Variants in FANCC observed in about 807,000 individuals in gnomAD.
The protein encoded by FANCC is FA complementation group C, also known as Fanconi anemia group C protein.
In FANCC, 55 loss-of-function variants were observed where a neutral mutation model predicts 71.3. That is an observed-to-expected ratio of 0.77 (90% CI 0.62 to 0.97). FANCC has a LOEUF of 0.97. FANCC is among the 50% of genes least tolerant of loss of function. The pLI is 0.00. For missense variants in FANCC, 678 were observed against 670.9 expected (o/e 1.01, Z -0.12); for synonymous variants, 275 against 244.9 (o/e 1.12, Z -1.15).
intron 1 of FANCC, among the ~76,000 whole-genome samples, chr9:95,264,001 C>T (rs1425910104): frequency 6.6e-6 from 1 of 152,166 alleles, no homozygotes; most frequent in East Asian, 1.9e-4. Context: ...AGAACGGTAA[C>T]AGTCACCTTG....
chr9:95,231,591 T>C (rs1830013768), intron 4 of FANCC, among the ~76,000 whole-genome samples: 1 of 152,144 alleles, frequency 6.6e-6, no homozygotes, highest in Admixed American at 6.5e-5. Context: ...TCAAATTGTC[T>C]ACAAGCCTGA....
Position 95,252,485 on chromosome 9 carries a change from G to A in FANCC, c.-78-3116C>T, listed in dbSNP as rs568179728. 3.3e-5 allele frequency among the ~76,000 whole-genome samples: 5 copies of A among 151,926 alleles called. No homozygotes were observed. In the South Asian group the frequency reaches 6.2e-4, roughly 19 times the overall value. On this transcript the variant is annotated intron_variant, in intron 1 of 14. Transcript: ENST00000289081. ...CCCGGGGCTGGGCGCCGTGGCTCACGCCTGTAATCCCAGCACTTTGGGAGG... is the reference window on the plus strand; with the variant it reads ...CCCGGGGCTGGGCGCCGTGGCTCACACCTGTAATCCCAGCACTTTGGGAGG...
chr9:95,138,905 T>C (rs1828144134), intron 7 of FANCC, among the ~76,000 whole-genome samples: 1 of 152,238 alleles, frequency 6.6e-6, no homozygotes, highest in Non-Finnish European at 1.5e-5. Flanking sequence ...GCTGTCTTTT[T>C]ATTAGAGCCT....
chr9:95,122,809 G>A (rs1348669639), intron 10 of FANCC, among the ~76,000 whole-genome samples: 17 of 152,170 alleles, frequency 1.1e-4, no homozygotes, highest in Admixed American at 9.2e-4. Flanking sequence ...CCAGAGGCCC[G>A]TTCCTAATGG....
intron 6 of FANCC, among the ~76,000 whole-genome samples, chr9:95,159,716 A>T (rs1393953762): frequency 1.1e-4 from 16 of 152,134 alleles, no homozygotes; most frequent in Non-Finnish European, 2.4e-4. Flanking sequence ...CTTTTTAATG[A>T]TCGCCATTCT....
chr9:95,130,133 T>C (rs1826664340), intron 8 of FANCC, among the ~76,000 whole-genome samples: 1 of 152,234 alleles, frequency 6.6e-6, no homozygotes, highest in Non-Finnish European at 1.5e-5. Flanking sequence ...CACAGGCTCT[T>C]GTGCCCGGTC....
chr9:95,192,970 A>G (rs1181651061), intron 4 of FANCC, among the ~76,000 whole-genome samples: 1 of 152,208 alleles, frequency 6.6e-6, no homozygotes, highest in Non-Finnish European at 1.5e-5. Context: ...AATCTTTACT[A>G]TAGTGTATCT....
chr9:95,271,927 CTTTTTTTTTTT>C lies in FANCC; in HGVS notation c.-78-22569_-78-22559del, dbSNP rs869093626. Among the ~76,000 whole-genome samples, 19 of 50,510 alleles carry C rather than the reference CTTTTTTTTTTT, an allele frequency of 3.8e-4. 1 individual carries two copies. The highest frequency in any genetic ancestry group is 1.3e-3 in the East Asian group (2 of 1,516). The allele number at this position is 50,510 out of a possible 152,430, so 33.1% of individuals were successfully genotyped here. On this transcript the variant is annotated intron_variant, in intron 1 of 14. Transcript: ENST00000289081. Reference sequence around the variant, plus strand: ...TTCCATCAATCCCATCAAGCCTCTTCTTTTTTTTTTTTTTTTTTTTTTTTTTTGAGATGGAG... The same window carrying C: ...TTCCATCAATCCCATCAAGCCTCTTCTTTTTTTTTTTTTTTTGAGATGGAG...
chr9:95,196,814 C>T lies in FANCC; in HGVS notation c.346-24667G>A, dbSNP rs79270179. On this transcript the variant is annotated intron_variant, in intron 4 of 14. Transcript: ENST00000289081. ...CAGGATGTGCTCAGTTGGCAGACCA[C>T]GGACTCTAATTTCTGCCCTCCTAGT... Among the ~76,000 whole-genome samples the T allele has an allele frequency of 8.8e-3, 1,345 of 152,250 alleles. 23 individuals carry two copies. The highest frequency in any genetic ancestry group is 0.031 in the African/African-American group (1,278 of 41,534).
intron 8 of FANCC, among the ~76,000 whole-genome samples, chr9:95,133,140 G>T (rs1827164385): frequency 6.6e-6 from 1 of 152,240 alleles, no homozygotes; most frequent in South Asian, 2.1e-4. Context: ...ATGCAATTAG[G>T]AAGCAGGCTC....
chr9:95,104,875 C>G lies in FANCC; in HGVS notation c.1533+2191G>C, dbSNP rs375507927. On this transcript the variant is annotated intron_variant, in intron 14 of 14. Coordinates refer to ENST00000289081, the MANE Select transcript of FANCC (RefSeq NM_000136.3). ...TCCCCACTGCCCCTCCCCAGCCCCCCATAAGCACCTTCCCACTGTTTCTGT... is the reference window on the plus strand; with the variant it reads ...TCCCCACTGCCCCTCCCCAGCCCCCGATAAGCACCTTCCCACTGTTTCTGT... 9.9e-4 allele frequency among the ~76,000 whole-genome samples: 151 copies of G among 152,304 alleles called. 2 individuals are homozygous for G. Among genetic ancestry groups the G allele is most frequent in the African/African-American group, 3.6e-3 (148 of 41,562 alleles).
intron 1 of FANCC, among the ~76,000 whole-genome samples, chr9:95,267,986 G>A (rs1365660324): frequency 6.6e-6 from 1 of 152,192 alleles, no homozygotes; most frequent in African/African-American, 2.4e-5. Flanking sequence ...GAGCCCAGCT[G>A]CTGGCCCCAC....
At chr9:95,110,309 A>G in intron 13 of FANCC, 8 of 1,015,184 alleles carry the variant, frequency 7.9e-6, no homozygotes, top group Non-Finnish European at 9.4e-6. Flanking sequence ...GGAATTGAAC[A>G]CATATCTACC....
At chr9:95,141,311 CAAAAAAAAAAAA>C (rs66627467) in intron 7 of FANCC, among the ~76,000 whole-genome samples, 5 of 54,864 alleles carry the variant, frequency 9.1e-5, no homozygotes, top group African/African-American at 3.0e-4. Context: ...GACCCTGTCT[CAAAAAAAAAAAA>C]AAAAAAAAAA....
At chr9:95,181,444 A>T (rs1031902924) in intron 4 of FANCC, among the ~76,000 whole-genome samples, 10 of 152,120 alleles carry the variant, frequency 6.6e-5, no homozygotes, top group African/African-American at 2.4e-4. Context: ...TTTTACCGCC[A>T]CCTAGTGGTA....
rs781300977 is a variant in FANCC at position 95,209,322 on chromosome 9, GC to G, written c.345+31326del. Among the ~76,000 whole-genome samples, 5 of 152,248 alleles carry G rather than the reference GC, an allele frequency of 3.3e-5. No homozygotes were observed. The East Asian group carries it at 9.7e-4, about 29-fold the overall frequency. Reference sequence around the variant, plus strand: ...GGTGGATATGTGTCATTGCACATTTGCCCAAACCCATAGAATGTACACTACC... The same window carrying G: ...GGTGGATATGTGTCATTGCACATTTGCCAAACCCATAGAATGTACACTACC... On this transcript the variant is annotated intron_variant, in intron 4 of 14. Transcript: ENST00000289081.
chr9:95,125,220 A>C, intron 9 of FANCC, 35 bp from the exon 10 acceptor site: 1 of 1,557,102 alleles, frequency 6.4e-7, no homozygotes, highest in Non-Finnish European at 8.9e-7. Flanking sequence ...AACACGTTTA[A>C]CAAGTAATCC....
chr9:95,252,503 T>C (rs535177483), intron 1 of FANCC, among the ~76,000 whole-genome samples: 2 of 151,668 alleles, frequency 1.3e-5, no homozygotes, highest in Non-Finnish European at 2.9e-5. Context: ...TCCCAGCACT[T>C]TGGGAGGCAG....
At chr9:95,239,362 C>G (rs1830505859) in intron 4 of FANCC, among the ~76,000 whole-genome samples, 2 of 152,080 alleles carry the variant, frequency 1.3e-5, no homozygotes. Flanking sequence ...TAGTATTAAA[C>G]AAGAAAAACA....
Sources: gnomAD v4.1 joint callset for allele counts (sites outside exome capture counted in the v4.1 genomes callset) on GRCh38, gnomAD v4.1.1 for gene constraint, MANE v1.5 for transcripts, NCBI Gene and HGNC (gene_info 2026-07-23, HGNC 2026-07-21) for gene names.